LRR1: variants seen among roughly 807,000 people sequenced by gnomAD.
The protein encoded by LRR1 is leucine rich repeat protein 1.
Under a neutral mutation model 31.6 loss-of-function variants are expected in LRR1, and 29 were observed. That is an observed-to-expected ratio of 0.92 (90% CI 0.68 to 1.25). LRR1 has a LOEUF of 1.25. LRR1 is among the 50% of genes most tolerant of loss of function. LRR1 has a pLI of 0.00. For missense variants in LRR1, 485 were observed against 487.2 expected, an observed-to-expected ratio of 1.00 and a Z score of 0.04; for synonymous variants, 179 against 181.4, an observed-to-expected ratio of 0.99 and a Z score of 0.10.
At chr14:49,600,501 G>T (rs948138593) in intron 1 of LRR1, 5 of 1,578,572 alleles carry the variant, frequency 3.2e-6, no homozygotes, top group Non-Finnish European at 4.3e-6. Context: ...AACCCAGAAG[G>T]GATTGAAGAC....
intron 2 of LRR1, among the ~76,000 whole-genome samples, chr14:49,603,083 G>T (rs1253705297): frequency 3.3e-5 from 5 of 151,496 alleles, no homozygotes; most frequent in African/African-American, 1.2e-4. Flanking sequence ...GAACTCAGGC[G>T]ATCCACCCAC....
intron 3 of LRR1, among the ~76,000 whole-genome samples, chr14:49,609,332 T>C (rs1476028429): frequency 6.8e-6 from 1 of 148,108 alleles, no homozygotes; most frequent in Admixed American, 6.9e-5. Flanking sequence ...CTCAAGCAAC[T>C]CTTCTGCCTC....
intron 2 of LRR1, chr14:49,603,682 T>G: frequency 1.2e-5 from 5 of 420,452 alleles, no homozygotes; most frequent in Non-Finnish European, 1.3e-5. Context: ...TAATCATTCC[T>G]TTTTTTTTTT....
At position 49,614,254 on chromosome 14, in the gene LRR1, A is replaced by G; in HGVS notation, c.1005-2A>G. 6.2e-7 allele frequency: 1 copy of G among 1,609,958 alleles called. No individual in the cohort carries two copies. Among genetic ancestry groups the G allele is most frequent in the Non-Finnish European group, 8.5e-7 (1 of 1,178,324 alleles). On this transcript the variant is annotated splice_acceptor_variant, in intron 3 of 3. Coordinates refer to ENST00000298288, the MANE Select transcript of LRR1 (RefSeq NM_152329.4). LOFTEE classifies it high-confidence loss of function. Reference sequence around the variant, plus strand: ...AAATATTTTTATCATTCTTTCCAATAGGATTCCATATGGCTCTCATATCAT... The same window carrying G: ...AAATATTTTTATCATTCTTTCCAATGGGATTCCATATGGCTCTCATATCAT...
intron 2 of LRR1, among the ~76,000 whole-genome samples, chr14:49,603,981 G>A (rs191813985): frequency 1.4e-3 from 216 of 149,844 alleles, no homozygotes; most frequent in Non-Finnish European, 1.4e-3. Context: ...ATGAGCCACC[G>A]TGCCCGGACT....
intron 1 of LRR1, among the ~76,000 whole-genome samples, chr14:49,601,859 G>A (rs1207806908): frequency 2.7e-5 from 4 of 147,152 alleles, no homozygotes; most frequent in African/African-American, 7.5e-5. Flanking sequence ...TTGGCCACGC[G>A]CCGTGGCTCA....
chr14:49,605,338 C>T (rs75498922), intron 2 of LRR1, among the ~76,000 whole-genome samples: 2,700 of 152,148 alleles, frequency 0.018, 43 homozygotes, highest in Non-Finnish European at 0.03. Flanking sequence ...GCAGCTTATT[C>T]TTTCACTAAT....
Position 49,601,412 on chromosome 14 carries a change from T to C in LRR1, c.184-958T>C, listed in dbSNP as rs911784392. The C allele has an allele frequency of 1.4e-5, 7 of 508,424 alleles. 1 individual carries two copies. The Admixed American group carries it at 1.5e-4, about 11-fold the overall frequency. 31.5% of individuals were successfully genotyped at this position (508,424 alleles called of 1,614,324 possible). On this transcript the variant is annotated intron_variant, in intron 1 of 3. Coordinates refer to ENST00000298288, the MANE Select transcript of LRR1 (RefSeq NM_152329.4). ...TGGTACATAGTGGGTTCTGAATCAA[T>C]AGTTGTTGAAATCTAAAGCAGATGC...
At chr14:49,601,673 C>A (rs965896661) in intron 1 of LRR1, 1 of 1,289,644 alleles carries the variant, frequency 7.8e-7, no homozygotes. Flanking sequence ...ATTGGCAACT[C>A]TTCCTACAGT....
In LRR1 at chr14:49,600,680, T is replaced by C. The variant is rs575889576; in HGVS notation, c.183+1477T>C. The stretch of plus-strand genomic sequence containing the variant: ...GAAAGCAAATGAAATGCTGCAGCTA[T>C]ACCCAGACCTTTTATAGGTAATGAA... On this transcript the variant is annotated intron_variant, in intron 1 of 3. Transcript: ENST00000298288. 83 of 1,293,572 alleles carry C rather than the reference T, an allele frequency of 6.4e-5. No homozygotes were observed. The African/African-American group carries it at 6.9e-4, about 11-fold the overall frequency. The allele number at this position is 1,293,572 out of a possible 1,614,324, so 80.1% of individuals were successfully genotyped here.
chr14:49,600,505 T>C, intron 1 of LRR1: 1 of 1,578,066 alleles, frequency 6.3e-7, no homozygotes, highest in South Asian at 1.1e-5. Context: ...CAGAAGGGAT[T>C]GAAGACTGTT....
At position 49,614,541 on chromosome 14, in the gene LRR1, G is replaced by T; in HGVS notation, c.*45G>T. The T allele has an allele frequency of 6.2e-7, 1 of 1,611,134 alleles. No homozygotes were observed. The highest frequency in any genetic ancestry group is 8.5e-7 in the Non-Finnish European group (1 of 1,179,334). On this transcript the variant is annotated 3_prime_UTR_variant, in exon 4 of 4. Transcript: ENST00000298288. The stretch of plus-strand genomic sequence containing the variant: ...AAATTTCAATAACAGATCAGTTTGG[G>T]GTGCATGTATGATTTTGCAGCGTCA...
intron 2 of LRR1, among the ~76,000 whole-genome samples, chr14:49,604,527 C>A (rs1882212345): frequency 6.6e-6 from 1 of 151,838 alleles, no homozygotes; most frequent in African/African-American, 2.4e-5. Flanking sequence ...TGGTGAAACC[C>A]CATCTCTACA....
chr14:49,603,200 C>T lies in LRR1; in HGVS notation c.282+732C>T, dbSNP rs1022236494. ...TGCACATTCTGCTATCCCATATAGC[C>T]GAATAGGGACAGACTCTTGCAGGTT... On this transcript the variant is annotated intron_variant, in intron 2 of 3. Coordinates refer to ENST00000298288, the MANE Select transcript of LRR1 (RefSeq NM_152329.4). Among the ~76,000 whole-genome samples the T allele has an allele frequency of 6.9e-5, 9 of 130,460 alleles. No homozygotes were observed. In the East Asian group the frequency reaches 1.4e-3, roughly 20 times the overall value. 85.6% of individuals were successfully genotyped at this position (130,460 alleles called of 152,430 possible). A position where few individuals can be genotyped will look rare whatever the true frequency, so the allele number is the denominator to read the frequency against.
chr14:49,607,724 C>G lies in LRR1; in HGVS notation c.607C>G (p.Gln203Glu). Residue 203 changes from glutamine to glutamate, a missense_variant, in exon 3 of 4, where the codon CAA becomes GAA. Transcript: ENST00000298288. ...PATIGDLIHL[Q>E]ELNLNDNHLE... ...TACAATTGGAGACCTCATACACCTT[C>G]AAGAACTTAACCTGAATGACAATCA... 1.2e-6 allele frequency: 2 copies of G among 1,612,704 alleles called. No individual in the cohort carries two copies. Among genetic ancestry groups the G allele is most frequent in the Non-Finnish European group, 8.5e-7 (1 of 1,179,136 alleles).
rs765599718 is a variant in LRR1 at position 49,602,400 on chromosome 14, A to G, written c.214A>G (p.Lys72Glu). 1 of 1,613,922 alleles carries G rather than the reference A, an allele frequency of 6.2e-7. No individual in the cohort carries two copies. The highest frequency in any genetic ancestry group is 1.1e-5 in the South Asian group (1 of 91,072). ...LRENIEQFFT[K>E]FVDEGKATVR... is the part of the protein sequence containing the mutation. ...GGAGAACATTGAGCAATTCTTCACC[A>G]AATTTGTAGATGAGGGGAAAGCCAC... The change falls in exon 2 of 4, where the codon AAA becomes GAA. Residue 72 changes from lysine to glutamate, a missense_variant. Physicochemically the swap from Lys to Glu is moderately conservative, Grantham distance 56. This residue lies in a region of LRR1 where 260 missense variants were observed against 249.6 expected (regional missense o/e 1.04). Coordinates refer to ENST00000298288, the MANE Select transcript of LRR1 (RefSeq NM_152329.4).
chr14:49,611,380 C>A (rs1169505299), intron 3 of LRR1, among the ~76,000 whole-genome samples: 1 of 152,140 alleles, frequency 6.6e-6, no homozygotes, highest in Non-Finnish European at 1.5e-5. Context: ...GAGGCTGAGG[C>A]AGGAGAATCA....
intron 2 of LRR1, among the ~76,000 whole-genome samples, chr14:49,603,840 G>A (rs1404410426): frequency 1.3e-5 from 2 of 151,340 alleles, no homozygotes; most frequent in Admixed American, 6.6e-5. Context: ...TTACAGGCAC[G>A]TGCCGCCATG....
chr14:49,608,926 T>TTTTTTTTTG (rs1882401011), intron 3 of LRR1, among the ~76,000 whole-genome samples: 1 of 92,130 alleles, frequency 1.1e-5, no homozygotes, highest in African/African-American at 3.9e-5. Context: ...TTTTTTTTTT[T>TTTTTTTTTG]GAGATGGAGT....
Sources: gnomAD v4.1 joint callset for allele counts (sites outside exome capture counted in the v4.1 genomes callset) on GRCh38, gnomAD v4.1.1 for gene constraint, gnomAD v4.1.1 regional missense constraint, MANE v1.5 for transcripts, NCBI Gene and HGNC (gene_info 2026-07-23, HGNC 2026-07-21) for gene names.